ACTN3: variants seen among roughly 807,000 people sequenced by gnomAD.
ACTN3 encodes the protein actinin alpha 3.
A neutral mutation model predicts 119.6 loss-of-function variants in ACTN3; 91 were observed. The ratio of observed to expected loss-of-function variants is 0.76; its 90% CI spans 0.64 to 0.91. The LOEUF is 0.91. Among genes scored for constraint, ACTN3 ranks in the 40% least tolerant of loss-of-function variants. The pLI is 0.00. For missense variants in ACTN3, 1,221 were observed against 1,215.1 expected, an observed-to-expected ratio of 1.00 and a Z score of -0.07; for synonymous variants, 456 against 478.8, an observed-to-expected ratio of 0.95 and a Z score of 0.62.
In ACTN3 at chr11:66,546,995, G is replaced by T. The variant is rs1278106940; in HGVS notation, c.58G>T (p.Gly20Cys). ...GGCCGGGGAGGGGCGCTTTGCGGGC[G>T]GCGGCGGGGGCGGCGAGTACATGGA... is the stretch of plus-strand genomic sequence containing the variant. ...LGAGEGRFAGGGGGGEYMEQE... is the reference protein window; with the variant it reads ...LGAGEGRFAGCGGGGEYMEQE... Residue 20 changes from glycine to cysteine, a missense_variant, in exon 1 of 21, where the codon GGC becomes TGC. Transcript: ENST00000513398. The T allele has an allele frequency of 6.6e-7, 1 of 1,519,786 alleles. No individual in the cohort carries two copies. The highest frequency in any genetic ancestry group is 2.3e-5 in the Admixed American group (1 of 44,314). The allele number at this position is 1,519,786 out of a possible 1,614,324, so 94.1% of individuals were successfully genotyped here. A position where few individuals can be genotyped will look rare whatever the true frequency, so the allele number is the denominator to read the frequency against.
rs776602955 is a variant in ACTN3, at chr11:66,557,803, G to T, written c.1002G>T (p.Arg334=). The part of the protein sequence containing the change: ...QRKLEDFRDY[R]RLHKPPRIQE... ...AACTAGAGGACTTTCGGGACTACCG[G>T]CGTCTGCACAAGCCGCCCCGCATTC... The change falls in exon 10 of 21, where the codon CGG becomes CGT. Residue 334 remains arginine (R), a synonymous_variant. Coordinates refer to ENST00000513398, the MANE Select transcript of ACTN3 (RefSeq NM_001104.4). 1.9e-6 allele frequency: 3 copies of T among 1,614,042 alleles called. No individual in the cohort carries two copies. In the South Asian group the frequency reaches 3.3e-5, roughly 18 times the overall value.
At chr11:66,554,400 G>A in intron 4 of ACTN3, 136 bp from the exon 5 acceptor site, 2 of 710,452 alleles carry the variant, frequency 2.8e-6, no homozygotes, top group Non-Finnish European at 4.6e-6. Context: ...TGAGGCTGCG[G>A]TGAGCCATGA....
rs910635620 is a variant in ACTN3, at chr11:66,555,278, C to G, written c.637-8C>G. The stretch of plus-strand genomic sequence containing the variant: ...GACCTTTCACCCTCCTCCCTTACAC[C>G]CTTCTAGGATGACCCCATCGGAAAC... On this transcript the variant is annotated splice_polypyrimidine_tract_variant and splice_region_variant and intron_variant, in intron 6 of 20. Transcript: ENST00000513398. The G allele has an allele frequency of 1.9e-6, 3 of 1,613,740 alleles. No individual in the cohort carries two copies. Among genetic ancestry groups the G allele is most frequent in the Admixed American group, 3.3e-5 (2 of 60,014 alleles).
Position 66,554,146 on chromosome 11 carries a change from A to G in ACTN3, c.469+15A>G. On this transcript the variant is annotated intron_variant, in intron 4 of 20. Coordinates refer to ENST00000513398, the MANE Select transcript of ACTN3 (RefSeq NM_001104.4). ...CTCTGTGGAAGGTGAGCAATGGGAA[A>G]GGAGGTTGGGGCCAGGTGCAGTGGC... 6.2e-7 allele frequency: 1 copy of G among 1,613,148 alleles called. No homozygotes were observed.
At chr11:66,560,527 G>A (rs780839268) in intron 14 of ACTN3, 46 bp from the exon 15 acceptor site, 2 of 1,573,298 alleles carry the variant, frequency 1.3e-6, no homozygotes, top group African/African-American at 1.3e-5. Context: ...TGTTGCCTGT[G>A]GTAAGTGGGG....
chr11:66,560,033 A>T lies in ACTN3; in HGVS notation c.1493A>T (p.Asp498Val). 1 of 1,604,938 alleles carries T rather than the reference A, an allele frequency of 6.2e-7. No individual in the cohort carries two copies. Residue 498 changes from aspartate (D) to valine (V), a missense_variant, in exon 13 of 21, where the codon GAC becomes GTC. Asp to Val is a radical substitution (Grantham distance 152). This residue lies in a region of ACTN3 where 934 missense variants were observed against 899.9 expected (regional missense o/e 1.04). Transcript: ENST00000513398. ...SRCQAICDQW[D>V]NLGTLTQKRR... ...TGCCAGGCCATCTGCGATCAGTGGG[A>T]CAACCTGGGCACCCTGACCCAGAAG...
At chr11:66,552,954 C>T (rs1469169956) in intron 3 of ACTN3, among the ~76,000 whole-genome samples, 1 of 148,400 alleles carries the variant, frequency 6.7e-6, no homozygotes, top group African/African-American at 2.5e-5. Flanking sequence ...AACCAACCAA[C>T]TAAACAAAAA....
intron 15 of ACTN3, 157 bp downstream of exon 15, chr11:66,560,912 C>T (rs781771219): frequency 2.9e-5 from 10 of 347,756 alleles, no homozygotes; most frequent in African/African-American, 8.9e-5. Flanking sequence ...TTGCCTGTCT[C>T]GGGCTCATCT....
chr11:66,554,472 A>AAAT, intron 4 of ACTN3, 64 bp from the exon 5 acceptor site: 1 of 1,233,522 alleles, frequency 8.1e-7, no homozygotes, highest in Non-Finnish European at 1.1e-6. Flanking sequence ...AAAAAAAAAA[A>AAAT]GAAGTGTGAG....
Position 66,558,182 on chromosome 11 carries a change from G to A in ACTN3, c.1276+8G>A, listed in dbSNP as rs374523998. On this transcript the variant is annotated splice_region_variant and intron_variant, in intron 11 of 20. Coordinates refer to ENST00000513398, the MANE Select transcript of ACTN3 (RefSeq NM_001104.4). Reference sequence around the variant, plus strand: ...ACGAAGCCTGGACCCGGGGTAGGTAGACCTACCTCATGGGGCTGGACTGTC... The same window carrying A: ...ACGAAGCCTGGACCCGGGGTAGGTAAACCTACCTCATGGGGCTGGACTGTC... 1.8e-4 allele frequency: 283 copies of A among 1,611,978 alleles called. No individual in the cohort carries two copies. The highest frequency in any genetic ancestry group is 2.3e-4 in the Non-Finnish European group (271 of 1,179,866).
Position 66,557,766 on chromosome 11 carries a change from C to T in ACTN3, c.965C>T (p.Ala322Val). 1.9e-6 allele frequency: 3 copies of T among 1,613,704 alleles called. No homozygotes were observed. Among genetic ancestry groups the T allele is most frequent in the Non-Finnish European group, 2.5e-6 (3 of 1,179,838 alleles). ...ENRVGEPSMS[A>V]MQRKLEDFRD... ...CGTGTGGGTGAGCCCAGCATGAGTG[C>T]CATGCAGCGCAAACTAGAGGACTTT... The change falls in exon 10 of 21, where the codon GCC (alanine) becomes GTC (valine). Residue 322 changes from alanine to valine, a missense_variant. By Grantham distance (64) the Ala-to-Val change is moderately conservative. Coordinates refer to ENST00000513398, the MANE Select transcript of ACTN3 (RefSeq NM_001104.4).
At chr11:66,553,149 G>A (rs1857513555) in intron 3 of ACTN3, among the ~76,000 whole-genome samples, 1 of 152,038 alleles carries the variant, frequency 6.6e-6, no homozygotes, top group African/African-American at 2.4e-5. Flanking sequence ...AGCTACTCGG[G>A]AGGCTGAGGC....
rs1006459430 is a variant in ACTN3, at chr11:66,559,516, C to G, written c.1427+130C>G. On this transcript the variant is annotated intron_variant, in intron 12 of 20. Transcript: ENST00000513398. The stretch of plus-strand genomic sequence containing the variant: ...TGGGTTCTGTAACCCCGCCGTGGTA[C>G]CCAGGTCCCATTCGCTCCGCCCCTC... The G allele has an allele frequency of 7.3e-6, 7 of 957,320 alleles. No individual in the cohort carries two copies. The Admixed American group carries it at 2.3e-4, about 31-fold the overall frequency. 59.3% of individuals were successfully genotyped at this position (957,320 alleles called of 1,614,324 possible). A position where few individuals can be genotyped will look rare whatever the true frequency, so the allele number is the denominator to read the frequency against.
chr11:66,556,318 G>T (rs768458499), intron 8 of ACTN3, 88 bp downstream of exon 8: 4 of 1,305,772 alleles, frequency 3.1e-6, no homozygotes, highest in Non-Finnish European at 2.2e-6. Flanking sequence ...GCCAGACCAC[G>T]GAGGTTGGAG....
intron 1 of ACTN3, among the ~76,000 whole-genome samples, chr11:66,547,770 C>G (rs1215237600): frequency 6.6e-6 from 1 of 152,122 alleles, no homozygotes; most frequent in Non-Finnish European, 1.5e-5. Flanking sequence ...TCCCCTTACG[C>G]TGTAACCTGA....
intron 12 of ACTN3, 67 bp downstream of exon 12, chr11:66,559,453 C>A: frequency 1.5e-6 from 2 of 1,376,884 alleles, no homozygotes; most frequent in Non-Finnish European, 9.4e-7. Context: ...GAGCCCCACC[C>A]TGATCCCCAT....
At chr11:66,548,754 C>T (rs1391859963) in intron 1 of ACTN3, among the ~76,000 whole-genome samples, 1 of 152,160 alleles carries the variant, frequency 6.6e-6, no homozygotes, top group Non-Finnish European at 1.5e-5. Flanking sequence ...CACCTGATGT[C>T]TTACCATGTG....
chr11:66,556,190 A>ATGTGTCCTTGG lies in ACTN3; in HGVS notation c.772_773insTGGTGTGTCCT (p.Cys258LeufsTer29). ...CCGGATGAGAAGGCCATCATGACCTATGTGTCCTGCTTCTACCATGCCTTT... is the reference window on the plus strand; with the variant it reads ...CCGGATGAGAAGGCCATCATGACCTATGTGTCCTTGGTGTGTCCTGCTTCTACCATGCCTTT... On this transcript the variant is annotated frameshift_variant, in exon 8 of 21. Coordinates refer to ENST00000513398, the MANE Select transcript of ACTN3 (RefSeq NM_001104.4). LOFTEE classifies it high-confidence loss of function. 1 of 1,613,934 alleles carries ATGTGTCCTTGG rather than the reference A, an allele frequency of 6.2e-7. No individual in the cohort carries two copies. The highest frequency in any genetic ancestry group is 8.5e-7 in the Non-Finnish European group (1 of 1,179,930).
chr11:66,551,175 C>G, intron 1 of ACTN3, 64 bp from the exon 2 acceptor site: 6 of 1,199,814 alleles, frequency 5.0e-6, no homozygotes, highest in Non-Finnish European at 6.1e-6. Context: ...ACTGAGGAGA[C>G]AGGACTGTGC....
Sources: allele counts gnomAD v4.1 joint callset (sites outside exome capture counted in the v4.1 genomes callset), GRCh38; gene constraint gnomAD v4.1.1; regional missense constraint gnomAD v4.1.1; transcripts MANE v1.5; gene names NCBI Gene and HGNC (gene_info 2026-07-23, HGNC 2026-07-21).